Variants in FGF14 observed in about 807,000 individuals in gnomAD.
The protein encoded by FGF14 is fibroblast growth factor 14, also known as fibroblast growth factor homologous factor 4.
A neutral mutation model predicts 25.5 loss-of-function variants in FGF14; 5 were observed. The ratio of observed to expected loss-of-function variants is 0.20; its 90% CI spans 0.10 to 0.41. The LOEUF (loss-of-function observed/expected upper bound fraction) is 0.41, where lower values mean the gene tolerates loss of function less well. Among genes scored for constraint, FGF14 ranks in the 10% least tolerant of loss-of-function variants. FGF14 has a pLI of 1.00. For missense variants in FGF14, 222 were observed against 320.1 expected (o/e 0.69, Z 2.34); for synonymous variants, 138 against 118.3 (o/e 1.17, Z -1.08).
intron 1 of FGF14, among the ~76,000 whole-genome samples, chr13:101,899,492 T>G (rs2031238420): frequency 6.6e-6 from 1 of 151,942 alleles, no homozygotes; most frequent in South Asian, 2.1e-4. Context: ...ATTCAATGGA[T>G]GAGTTCAATA....
chr13:102,376,135 G>C (rs1397793229), intron 1 of FGF14, among the ~76,000 whole-genome samples: 1 of 152,186 alleles, frequency 6.6e-6, no homozygotes, highest in Admixed American at 6.5e-5. Flanking sequence ...GTAATAATCC[G>C]CATGTGTCAA....
intron 1 of FGF14, among the ~76,000 whole-genome samples, chr13:102,092,747 AC>A (rs1441130723): frequency 1.3e-5 from 2 of 152,210 alleles, no homozygotes; most frequent in African/African-American, 4.8e-5. Context: ...AGGCACAACT[AC>A]ATTAGATACA....
At chr13:102,058,947 TA>T (rs55849646) in intron 1 of FGF14, among the ~76,000 whole-genome samples, 5,711 of 143,298 alleles carry the variant, frequency 0.04, 321 homozygotes, top group African/African-American at 0.13. Flanking sequence ...CAGTCTTAAC[TA>T]AAAAAAAAAA....
At chr13:102,017,556 T>C (rs2040412807) in intron 1 of FGF14, among the ~76,000 whole-genome samples, 1 of 152,058 alleles carries the variant, frequency 6.6e-6, no homozygotes, top group Admixed American at 6.5e-5. Flanking sequence ...TCTTTATCAT[T>C]AGAATTCCAA....
chr13:101,767,551 C>T (rs1419645018), intron 3 of FGF14, among the ~76,000 whole-genome samples: 3 of 152,132 alleles, frequency 2.0e-5, no homozygotes, highest in Non-Finnish European at 4.4e-5. Context: ...TTACTGAATC[C>T]CTTTTGTAAA....
At position 102,236,183 on chromosome 13, in the gene FGF14, C is replaced by A. The variant is rs111679547; in HGVS notation, c.208+165288G>T. ...GAATGCCCTGCTCTGTCTATTCTTTCATCTCTTAACTTTCTAATAAACTTC... is the reference window on the plus strand; with the variant it reads ...GAATGCCCTGCTCTGTCTATTCTTTAATCTCTTAACTTTCTAATAAACTTC... On this transcript the variant is annotated intron_variant, in intron 1 of 4. Transcript: ENST00000376131. 1.0e-3 allele frequency among the ~76,000 whole-genome samples: 154 copies of A among 152,264 alleles called. 2 individuals are homozygous for A. The highest frequency in any genetic ancestry group is 3.6e-3 in the African/African-American group (150 of 41,546).
In FGF14 at chr13:101,960,552, A is replaced by G. The variant is rs117547186; in HGVS notation, c.209-85256T>C. ...CCTTTTTATGGCTGCAAAGTTTTCC[A>G]TAGTGTATATGTACCACATTTTCTT... On this transcript the variant is annotated intron_variant, in intron 1 of 4. Coordinates refer to the FGF14 transcript ENST00000376131. Among the ~76,000 whole-genome samples, 690 of 152,336 alleles carry G rather than the reference A, an allele frequency of 4.5e-3. 39 individuals carry two copies. In the East Asian group the frequency reaches 0.12, roughly 27 times the overall value.
chr13:102,334,280 C>G (rs1372858706), intron 1 of FGF14, among the ~76,000 whole-genome samples: 1 of 152,142 alleles, frequency 6.6e-6, no homozygotes, highest in Non-Finnish European at 1.5e-5. Context: ...TTAGTCCTAT[C>G]TGATAGACAT....
chr13:102,092,656 T>G (rs910798263), intron 1 of FGF14, among the ~76,000 whole-genome samples: 12 of 152,302 alleles, frequency 7.9e-5, no homozygotes, highest in African/African-American at 2.9e-4. Context: ...ATGTTAATTT[T>G]AACATGAAAG....
intron 1 of FGF14, among the ~76,000 whole-genome samples, chr13:101,993,770 CAA>C (rs1159749796): frequency 6.6e-6 from 1 of 150,908 alleles, no homozygotes; most frequent in Non-Finnish European, 1.5e-5. Flanking sequence ...CCAGAGAAGG[CAA>C]AAAAATGGAG....
chr13:101,747,969 G>T (rs139235346), intron 3 of FGF14, among the ~76,000 whole-genome samples: 7 of 151,998 alleles, frequency 4.6e-5, no homozygotes, highest in African/African-American at 1.4e-4. Context: ...AAAAATGAAG[G>T]TGTCGGAGAG....
At chr13:102,137,996 G>A (rs1375192002) in intron 1 of FGF14, among the ~76,000 whole-genome samples, 3 of 149,474 alleles carry the variant, frequency 2.0e-5, no homozygotes, top group South Asian at 4.4e-4. Flanking sequence ...CCTTGTGAGG[G>A]AAAGTGGACC....
intron 3 of FGF14, among the ~76,000 whole-genome samples, chr13:101,821,043 G>A (rs996933702): frequency 4.7e-5 from 7 of 148,084 alleles, no homozygotes; most frequent in Admixed American, 3.4e-4. Context: ...CGCCCCCCGG[G>A]ATTCACGCCA....
rs547376142 is a variant in FGF14, at chr13:102,190,974, T to C, written c.208+210497A>G. Among the ~76,000 whole-genome samples the C allele has an allele frequency of 9.9e-5, 15 of 152,190 alleles. No homozygotes were observed. The South Asian group carries it at 2.5e-3, about 25-fold the overall frequency. ...GTAAATATGATAGCAGTGACAAGCA[T>C]AGCCATAAAAAAAACAGCAGCCTAC... On this transcript the variant is annotated intron_variant, in intron 1 of 4. Transcript: ENST00000376131.
intron 3 of FGF14, among the ~76,000 whole-genome samples, chr13:101,770,864 AC>A (rs1363335074): frequency 6.6e-6 from 1 of 152,168 alleles, no homozygotes; most frequent in African/African-American, 2.4e-5. Context: ...TCAAAGAATG[AC>A]ATAGAACTAT....
At chr13:102,136,751 T>C (rs749861559) in intron 1 of FGF14, among the ~76,000 whole-genome samples, 116 of 151,864 alleles carry the variant, frequency 7.6e-4, no homozygotes, top group Non-Finnish European at 1.4e-3. Flanking sequence ...GATCTGAATA[T>C]GGAAATGTAC....
chr13:101,988,615 C>A (rs2038722972), intron 1 of FGF14, among the ~76,000 whole-genome samples: 1 of 148,546 alleles, frequency 6.7e-6, no homozygotes, highest in African/African-American at 2.5e-5. Context: ...GACAAAAAAC[C>A]AGACACCACG....
intron 1 of FGF14, among the ~76,000 whole-genome samples, chr13:102,188,947 A>AGAAAGAAAGAAC (rs2048982101): frequency 9.2e-5 from 2 of 21,652 alleles, no homozygotes; most frequent in Non-Finnish European, 2.1e-4. Context: ...AAGAAAGGAG[A>AGAAAGAAAGAAC]GAAAGAAAGA....
chr13:102,367,284 G>A (rs1369106743), intron 1 of FGF14: 1 of 152,222 alleles, frequency 6.6e-6, no homozygotes, highest in Non-Finnish European at 1.5e-5. Flanking sequence ...CACTCTCATG[G>A]ATGGCAAATT....
Sources: allele counts gnomAD v4.1 joint callset (sites outside exome capture counted in the v4.1 genomes callset), GRCh38; gene constraint gnomAD v4.1.1; transcripts MANE v1.5; gene names NCBI Gene and HGNC (gene_info 2026-07-23, HGNC 2026-07-21).